NCLN: variants seen among roughly 807,000 people sequenced by gnomAD.
NCLN encodes the protein BOS complex subunit NCLN.
Under a neutral mutation model 69.5 loss-of-function variants are expected in NCLN, and 34 were observed. The ratio of observed to expected loss-of-function variants is 0.49; its 90% CI spans 0.37 to 0.65. NCLN has a LOEUF of 0.65. NCLN is among the 30% of genes least tolerant of loss of function. NCLN has a pLI of 0.00. For synonymous variants in NCLN, 393 were observed against 358.3 expected (o/e 1.10, Z -1.09); for missense variants, 710 against 804.8 (o/e 0.88, Z 1.42).
rs967407831 is a variant in NCLN, at chr19:3,209,547, G to A, written c.*1859G>A. The A allele has an allele frequency of 6.6e-6, 1 of 152,300 alleles. No homozygotes were observed. The highest frequency in any genetic ancestry group is 1.5e-5 in the Non-Finnish European group (1 of 68,088). The allele number at this position is 152,300 out of a possible 1,614,324, so 9.4% of individuals were successfully genotyped here. ...GGTGTGGGATGCAGCCGGCCGATGA[G>A]AAAATAAAGCCATATTGAATGATCG... is the stretch of plus-strand genomic sequence containing the variant. On this transcript the variant is annotated 3_prime_UTR_variant, in exon 15 of 15. Coordinates refer to ENST00000246117, the MANE Select transcript of NCLN (RefSeq NM_020170.4).
chr19:3,192,435 C>A, intron 1 of NCLN, 35 bp from the exon 2 acceptor site: 2 of 1,533,474 alleles, frequency 1.3e-6, no homozygotes, highest in Non-Finnish European at 1.7e-6. Context: ...CCTGGCCACC[C>A]GCCGAGGCTC....
chr19:3,189,538 A>T (rs910778164), intron 1 of NCLN, among the ~76,000 whole-genome samples: 11 of 152,168 alleles, frequency 7.2e-5, no homozygotes, highest in African/African-American at 2.2e-4. Flanking sequence ...CGATAGATAG[A>T]CAGGTGCCCA....
Position 3,196,172 on chromosome 19 carries a change from C to G in NCLN, c.521-11C>G. ...TGGGCCAAGGCTGATGCGCCCTCTC[C>G]CTCTCCCTAGTACTGCTGCGCACGG... On this transcript the variant is annotated splice_polypyrimidine_tract_variant and intron_variant, in intron 3 of 14. Coordinates refer to ENST00000246117, the MANE Select transcript of NCLN (RefSeq NM_020170.4). 1 of 1,525,150 alleles carries G rather than the reference C, an allele frequency of 6.6e-7. No homozygotes were observed. The highest frequency in any genetic ancestry group is 1.2e-5 in the South Asian group (1 of 83,142). The allele number at this position is 1,525,150 out of a possible 1,614,324, so 94.5% of individuals were successfully genotyped here.
At position 3,207,877 on chromosome 19, in the gene NCLN, C is replaced by T. The variant is rs1266640353; in HGVS notation, c.*189C>T. On this transcript the variant is annotated 3_prime_UTR_variant, in exon 15 of 15. Coordinates refer to ENST00000246117, the MANE Select transcript of NCLN (RefSeq NM_020170.4). ...CTCCGAGACTGGGGGGGGATTGTTTCTTCTTTTCCTTGTCTTTGAACTTCC... is the reference window on the plus strand; with the variant it reads ...CTCCGAGACTGGGGGGGGATTGTTTTTTCTTTTCCTTGTCTTTGAACTTCC... 8.5e-6 allele frequency: 5 copies of T among 587,828 alleles called. No individual in the cohort carries two copies. Among genetic ancestry groups the T allele is most frequent in the Non-Finnish European group, 1.5e-5 (5 of 328,734 alleles). The allele number at this position is 587,828 out of a possible 1,614,324, so 36.4% of individuals were successfully genotyped here.
At chr19:3,197,731 C>T (rs1368991655) in intron 4 of NCLN, among the ~76,000 whole-genome samples, 1 of 152,022 alleles carries the variant, frequency 6.6e-6, no homozygotes, top group Non-Finnish European at 1.5e-5. Context: ...AGCGATTCTC[C>T]TGCCTCAGCC....
Position 3,201,689 on chromosome 19 carries a change from C to T in NCLN, c.800+63C>T. 3.8e-6 allele frequency: 5 copies of T among 1,299,374 alleles called. No homozygotes were observed. The South Asian group carries it at 5.3e-5, about 14-fold the overall frequency. 80.5% of individuals were successfully genotyped at this position (1,299,374 alleles called of 1,614,324 possible). A position where few individuals can be genotyped will look rare whatever the true frequency, so the allele number is the denominator to read the frequency against. On this transcript the variant is annotated intron_variant, in intron 6 of 14. Coordinates refer to ENST00000246117, the MANE Select transcript of NCLN (RefSeq NM_020170.4). ...GGCCACACTGCCGGACAGCGCTGCC[C>T]ACCAGGCACCTCTGCAGATGTTTCT...
At chr19:3,188,541 C>T (rs1915729440) in intron 1 of NCLN, among the ~76,000 whole-genome samples, 1 of 152,320 alleles carries the variant, frequency 6.6e-6, no homozygotes, top group East Asian at 1.9e-4. Context: ...GCGCCTCCCT[C>T]CCTTTCCCCT....
rs76704462 is a variant in NCLN at position 3,193,298 on chromosome 19, C to G, written c.390C>G (p.Ile130Met). The change falls in exon 3 of 15, where the codon ATC becomes ATG. Residue 130 changes from isoleucine to methionine, a missense_variant. Transcript: ENST00000246117. The part of the protein sequence containing the change: ...PQDVVRQFME[I>M]EPEMLAMETA... Reference sequence around the variant, plus strand: ...CTGCTCCACAGCAATTCATGGAGATCGAGCCGGAGATGCTGGCCATGGAGA... The same window carrying G: ...CTGCTCCACAGCAATTCATGGAGATGGAGCCGGAGATGCTGGCCATGGAGA... 3.1e-6 allele frequency: 5 copies of G among 1,611,944 alleles called. No homozygotes were observed. The highest frequency in any genetic ancestry group is 1.7e-5 in the Admixed American group (1 of 59,934).
At chr19:3,207,106 G>A in intron 12 of NCLN, 92 bp from the exon 13 acceptor site, 1 of 1,418,794 alleles carries the variant, frequency 7.0e-7, no homozygotes, top group Non-Finnish European at 9.9e-7. Context: ...TTGCAGGTGT[G>A]AGCCATCGTG....
chr19:3,193,870 G>A (rs996045520), intron 3 of NCLN, among the ~76,000 whole-genome samples: 4 of 152,232 alleles, frequency 2.6e-5, no homozygotes, highest in East Asian at 3.8e-4. Context: ...CCCCGTGAAC[G>A]GGGGCCCTGG....
chr19:3,203,650 T>C lies in NCLN; in HGVS notation c.801-106T>C, dbSNP rs534270712. ...AAGGGGCTGGTCAGGATTTCCTGCT[T>C]TGGGGAGACCTTCATACCCTTCCTG... On this transcript the variant is annotated intron_variant, in intron 6 of 14. Transcript: ENST00000246117. The C allele has an allele frequency of 4.2e-5, 42 of 989,766 alleles. No homozygotes were observed. In the East Asian group the frequency reaches 1.0e-3, roughly 24 times the overall value. 61.3% of individuals were successfully genotyped at this position (989,766 alleles called of 1,614,324 possible). A position where few individuals can be genotyped will look rare whatever the true frequency, so the allele number is the denominator to read the frequency against.
In NCLN at chr19:3,207,796, C is replaced by T. The variant is rs578058706; in HGVS notation, c.*108C>T. 19 of 881,794 alleles carry T rather than the reference C, an allele frequency of 2.2e-5. No homozygotes were observed. The East Asian group carries it at 2.7e-4, about 13-fold the overall frequency. 54.6% of individuals were successfully genotyped at this position (881,794 alleles called of 1,614,324 possible). A position where few individuals can be genotyped will look rare whatever the true frequency, so the allele number is the denominator to read the frequency against. ...GGGCGGCCCTGCAGGGACAGGGGCC[C>T]TCTCCCTCCCCGGCGGTGGTTGGAA... On this transcript the variant is annotated 3_prime_UTR_variant, in exon 15 of 15. Coordinates refer to ENST00000246117, the MANE Select transcript of NCLN (RefSeq NM_020170.4).
chr19:3,202,771 C>T (rs375929846), intron 6 of NCLN, among the ~76,000 whole-genome samples: 4 of 151,610 alleles, frequency 2.6e-5, no homozygotes, highest in African/African-American at 7.3e-5. Context: ...TTTTAAGCTG[C>T]AGAACCTCTT....
rs1025319290 is a variant in NCLN, at chr19:3,205,153, C to G, written c.1208+402C>G. ...TCCTCGCCCCGCCTCCCTCTGGGCACTGTGTCTCTGGCTTCTTATGTCCTC... is the reference window on the plus strand; with the variant it reads ...TCCTCGCCCCGCCTCCCTCTGGGCAGTGTGTCTCTGGCTTCTTATGTCCTC... On this transcript the variant is annotated intron_variant, in intron 9 of 14. Transcript: ENST00000246117. The surrounding 1 kb of genome is among the most constrained non-coding windows in gnomAD (Gnocchi z 4.6). Among the ~76,000 whole-genome samples, 8 of 152,230 alleles carry G rather than the reference C, an allele frequency of 5.3e-5. No homozygotes were observed. Among genetic ancestry groups the G allele is most frequent in the Non-Finnish European group, 7.3e-5 (5 of 68,036 alleles).
In NCLN at chr19:3,207,796, C is replaced by G. The variant is rs578058706; in HGVS notation, c.*108C>G. ...GGGCGGCCCTGCAGGGACAGGGGCC[C>G]TCTCCCTCCCCGGCGGTGGTTGGAA... On this transcript the variant is annotated 3_prime_UTR_variant, in exon 15 of 15. Coordinates refer to ENST00000246117, the MANE Select transcript of NCLN (RefSeq NM_020170.4). The G allele has an allele frequency of 2.3e-6, 2 of 881,912 alleles. No homozygotes were observed. The highest frequency in any genetic ancestry group is 1.9e-6 in the Non-Finnish European group (1 of 539,696). The allele number at this position is 881,912 out of a possible 1,614,324, so 54.6% of individuals were successfully genotyped here. A position where few individuals can be genotyped will look rare whatever the true frequency, so the allele number is the denominator to read the frequency against.
Position 3,206,147 on chromosome 19 carries a change from C to G in NCLN, c.1297-5C>G, listed in dbSNP as rs747650444. Reference sequence around the variant, plus strand: ...ACTCAGGGCCATCCCCTCCTCTCTCCGCAGGGGACACCCCCAGACATGCCG... The same window carrying G: ...ACTCAGGGCCATCCCCTCCTCTCTCGGCAGGGGACACCCCCAGACATGCCG... On this transcript the variant is annotated splice_region_variant and splice_polypyrimidine_tract_variant and intron_variant, in intron 10 of 14. Transcript: ENST00000246117. 2 of 1,522,020 alleles carry G rather than the reference C, an allele frequency of 1.3e-6. No homozygotes were observed. The highest frequency in any genetic ancestry group is 1.8e-6 in the Non-Finnish European group (2 of 1,133,946). 94.3% of individuals were successfully genotyped at this position (1,522,020 alleles called of 1,614,324 possible). A position where few individuals can be genotyped will look rare whatever the true frequency, so the allele number is the denominator to read the frequency against.
Position 3,207,749 on chromosome 19 carries a change from T to G in NCLN, c.*61T>G. 6.8e-6 allele frequency: 10 copies of G among 1,470,450 alleles called. No homozygotes were observed. Among genetic ancestry groups the G allele is most frequent in the Non-Finnish European group, 9.5e-6 (10 of 1,054,160 alleles). The allele number at this position is 1,470,450 out of a possible 1,614,324, so 91.1% of individuals were successfully genotyped here. ...CACAGTCCCTGGGGCCGAGCACGAG[T>G]GAGTGGACACTGCCCCGCCGCGGGC... On this transcript the variant is annotated 3_prime_UTR_variant, in exon 15 of 15. Coordinates refer to ENST00000246117, the MANE Select transcript of NCLN (RefSeq NM_020170.4).
chr19:3,201,473 G>A (rs1452361859), intron 5 of NCLN, 50 bp from the exon 6 acceptor site: 2 of 1,377,888 alleles, frequency 1.5e-6, no homozygotes, highest in Non-Finnish European at 2.0e-6. Flanking sequence ...GTCATGGGGT[G>A]CGGGAGCCGG....
chr19:3,187,236 G>A (rs1915693698), intron 1 of NCLN, among the ~76,000 whole-genome samples: 1 of 152,142 alleles, frequency 6.6e-6, no homozygotes, highest in African/African-American at 2.4e-5. Context: ...TGACCCCAGT[G>A]TCTAGACCAT....
Sources: allele counts gnomAD v4.1 joint callset (sites outside exome capture counted in the v4.1 genomes callset), GRCh38; gene constraint gnomAD v4.1.1; non-coding constraint Gnocchi (gnomAD v3.1); transcripts MANE v1.5; gene names NCBI Gene and HGNC (gene_info 2026-07-23, HGNC 2026-07-21).